The following NLRP1 variants were observed in gnomAD, a reference collection of about 807,000 sequenced individuals.
NLRP1 encodes NLR family pyrin domain containing 1.
A neutral mutation model predicts 136.7 loss-of-function variants in NLRP1; 94 were observed. The ratio of observed to expected loss-of-function variants is 0.69; its 90% confidence interval spans 0.58 to 0.82. The LOEUF is 0.82. NLRP1 is among the 40% of genes least tolerant of loss of function. The pLI is 0.00. For synonymous variants in NLRP1, 690 were observed against 725.1 expected (o/e 0.95, Z 0.78); for missense variants, 1,575 against 1,802.7 (o/e 0.87, Z 2.29).
rs778217511 is a variant in NLRP1, at chr17:5,553,563, G to A, written c.2358-7C>T. The A allele has an allele frequency of 1.2e-6, 2 of 1,612,760 alleles. No individual in the cohort carries two copies. The highest frequency in any genetic ancestry group is 4.5e-5 in the East Asian group (2 of 44,862). On this transcript the variant is annotated splice_region_variant and splice_polypyrimidine_tract_variant and intron_variant, in intron 4 of 16. Coordinates refer to ENST00000572272, the MANE Select transcript of NLRP1 (RefSeq NM_033004.4). ...GACTGGGACCCACCTGAACCTGAGG[G>A]GGAGAGAGAAGGACAGGAGAGATGT...
downstream of NLRP1, chr17:5,512,145 T>C (rs1907681611): frequency 4.5e-6 from 4 of 897,030 alleles, no homozygotes; most frequent in South Asian, 5.2e-5. Flanking sequence ...ACAGACCAAC[T>C]GTGGCCATTC....
chr17:5,507,205 C>T (rs1302416152), intron 15 of NLRP1, among the ~76,000 whole-genome samples: 1 of 152,010 alleles, frequency 6.6e-6, no homozygotes, highest in Non-Finnish European at 1.5e-5. Context: ...AATGTGCTTA[C>T]ACTTAAAAAT....
At chr17:5,524,609 A>G (rs1418680939) in intron 12 of NLRP1, among the ~76,000 whole-genome samples, 3 of 152,252 alleles carry the variant, frequency 2.0e-5, no homozygotes, top group Non-Finnish European at 4.4e-5. Context: ...CACTGGCACT[A>G]AATGGATGGT....
intron 3 of NLRP1, among the ~76,000 whole-genome samples, chr17:5,565,452 A>G (rs1034483466): frequency 6.6e-6 from 1 of 152,028 alleles, no homozygotes; most frequent in Non-Finnish European, 1.5e-5. Context: ...CACTTTGTTT[A>G]TTGTATCCCT....
intron 3 of NLRP1, among the ~76,000 whole-genome samples, chr17:5,574,207 G>A (rs1327189557): frequency 3.3e-5 from 5 of 152,222 alleles, no homozygotes; most frequent in Non-Finnish European, 7.3e-5. Flanking sequence ...AAGGGTATCA[G>A]TGATTGAAGA....
At chr17:5,551,282 C>T (rs1337276622) in intron 5 of NLRP1, among the ~76,000 whole-genome samples, 1 of 152,224 alleles carries the variant, frequency 6.6e-6, no homozygotes, top group Non-Finnish European at 1.5e-5. Context: ...TGGAAGCATA[C>T]AGCATGTAGC....
chr17:5,579,833 TTC>T (rs1446043826), intron 3 of NLRP1, among the ~76,000 whole-genome samples: 1 of 152,184 alleles, frequency 6.6e-6, no homozygotes, highest in Non-Finnish European at 1.5e-5. Flanking sequence ...ATACCGCATG[TTC>T]TCATTCATAA....
chr17:5,580,800 T>C (rs928741412), intron 3 of NLRP1, among the ~76,000 whole-genome samples: 16 of 152,230 alleles, frequency 1.1e-4, no homozygotes, highest in Admixed American at 7.8e-4. Flanking sequence ...GAAAAAGTTA[T>C]CTTTGTGATT....
intron 4 of NLRP1, among the ~76,000 whole-genome samples, chr17:5,556,115 TACACACACACACACACAC>T (rs59028107): frequency 1.9e-4 from 23 of 119,072 alleles, no homozygotes; most frequent in South Asian, 6.1e-4. Context: ...TCTCTCTCTC[TACACACACACACACACAC>T]ACACACACAC....
rs1262413583 is a variant in NLRP1, at chr17:5,559,027, G to C, written c.1669C>G (p.Gln557Glu). ...CCCAATGGCTGAGCTTGGAGAGCCTGGGCAAGGTAATGTAGACAGAGGGTT... is the reference window on the plus strand; with the variant it reads ...CCCAATGGCTGAGCTTGGAGAGCCTCGGCAAGGTAATGTAGACAGAGGGTT... ...TTTLCLHYLAQALQAQPLGPQ... is the reference protein window; with the variant it reads ...TTTLCLHYLAEALQAQPLGPQ... The change falls in exon 4 of 17, where the codon CAG becomes GAG. Residue 557 changes from glutamine (Q) to glutamate (E), a missense_variant. Physicochemically the swap from Gln to Glu is conservative, Grantham distance 29 (BLOSUM62 2). Transcript: ENST00000572272. 18 of 1,614,104 alleles carry C rather than the reference G, an allele frequency of 1.1e-5. No homozygotes were observed. Among genetic ancestry groups the C allele is most frequent in the Non-Finnish European group, 1.5e-5 (18 of 1,180,004 alleles).
chr17:5,530,120 A>G, intron 12 of NLRP1: 1 of 463,130 alleles, frequency 2.2e-6, no homozygotes. Context: ...ATTCTTCGTT[A>G]GTTCACTTAG....
At chr17:5,564,213 ATTCT>A (rs975103416) in intron 3 of NLRP1, among the ~76,000 whole-genome samples, 9 of 152,198 alleles carry the variant, frequency 5.9e-5, no homozygotes, top group African/African-American at 1.9e-4. Flanking sequence ...ATCCAACTAT[ATTCT>A]TTGTTATTAA....
In NLRP1 at chr17:5,541,457, T is replaced by A. The variant is rs776942637; in HGVS notation, c.2699+400A>T. Reference sequence around the variant, plus strand: ...CTCCATGGCAGAACCCCATGCCAAGTAAGAGGACCTGTTACTAGGCAGATC... The same window carrying A: ...CTCCATGGCAGAACCCCATGCCAAGAAAGAGGACCTGTTACTAGGCAGATC... On this transcript the variant is annotated intron_variant, in intron 6 of 16. Transcript: ENST00000572272. This position sits in a 1 kb window ranked among gnomAD's most constrained non-coding sequence, Gnocchi z 4.2. Among the ~76,000 whole-genome samples the A allele has an allele frequency of 1.3e-5, 2 of 152,126 alleles. No individual in the cohort carries two copies. The highest frequency in any genetic ancestry group is 2.9e-5 in the Non-Finnish European group (2 of 68,014).
chr17:5,543,053 C>T (rs1295029330), intron 5 of NLRP1, among the ~76,000 whole-genome samples: 1 of 152,194 alleles, frequency 6.6e-6, no homozygotes, highest in Non-Finnish European at 1.5e-5. Flanking sequence ...TGGTCTTCAA[C>T]CCCTGACCTC....
intron 3 of NLRP1, among the ~76,000 whole-genome samples, chr17:5,577,291 C>G (rs949759629): frequency 6.6e-6 from 1 of 152,042 alleles, no homozygotes; most frequent in African/African-American, 2.4e-5. Flanking sequence ...AGAAATAAAG[C>G]GTATTCAATT....
intron 3 of NLRP1, among the ~76,000 whole-genome samples, chr17:5,581,558 C>A (rs1289391954): frequency 6.6e-6 from 1 of 152,118 alleles, no homozygotes; most frequent in African/African-American, 2.4e-5. Context: ...TCTCCTGACC[C>A]CAGGCCAGTG....
intron 3 of NLRP1, among the ~76,000 whole-genome samples, chr17:5,571,120 A>T (rs1046827146): frequency 2.0e-5 from 3 of 152,188 alleles, no homozygotes; most frequent in African/African-American, 7.2e-5. Context: ...CAAAATAATA[A>T]GGGCCATTTA....
rs369480925 is a variant in NLRP1 at position 5,533,993 on chromosome 17, A to G, written c.2961-5T>C. 16 of 1,596,362 alleles carry G rather than the reference A, an allele frequency of 1.0e-5. No individual in the cohort carries two copies. The African/African-American group carries it at 1.9e-4, about 19-fold the overall frequency. ...GGGGTCATCACACTTGGTTTCCTGG[A>G]CAAAGAATTGTTCATTCTGCCTAAG... On this transcript the variant is annotated splice_region_variant and splice_polypyrimidine_tract_variant and intron_variant, in intron 8 of 16. Transcript: ENST00000572272.
chr17:5,501,759 T>C lies in NLRP1; in HGVS notation c.*55A>G, dbSNP rs202080120. 8.6e-5 allele frequency: 127 copies of C among 1,480,246 alleles called. 1 individual carries two copies. The highest frequency in any genetic ancestry group is 1.1e-4 in the Non-Finnish European group (119 of 1,059,162). 91.7% of individuals were successfully genotyped at this position (1,480,246 alleles called of 1,614,324 possible). A position where few individuals can be genotyped will look rare whatever the true frequency, so the allele number is the denominator to read the frequency against. On this transcript the variant is annotated 3_prime_UTR_variant, in exon 16 of 16. Coordinates refer to the NLRP1 transcript ENST00000262467. ...CACCTGCGGTCTACTCAGGCCTCCT[T>C]GTCATCCACCAAGCCCTCTCTGGCT...
Sources: gnomAD v4.1 joint callset for allele counts (sites outside exome capture counted in the v4.1 genomes callset) on GRCh38, gnomAD v4.1.1 for gene constraint, Gnocchi (gnomAD v3.1) non-coding constraint, MANE v1.5 for transcripts, NCBI Gene and HGNC (gene_info 2026-07-23, HGNC 2026-07-21) for gene names.